The following ACAP3 variants were observed in gnomAD, a reference collection of about 807,000 sequenced individuals.
ACAP3 encodes ArfGAP with coiled-coil, ankyrin repeat and PH domains 3.
Under a neutral mutation model 104.1 loss-of-function variants are expected in ACAP3, and 56 were observed. The ratio of observed to expected loss-of-function variants is 0.54; its 90% CI spans 0.43 to 0.67. The LOEUF (loss-of-function observed/expected upper bound fraction) is 0.67, where lower values mean the gene tolerates loss of function less well. Among genes scored for constraint, ACAP3 ranks in the 30% least tolerant of loss-of-function variants. The pLI is 0.00. For synonymous variants in ACAP3, 628 were observed against 496.2 expected (o/e 1.27, Z -3.53); for missense variants, 1,208 against 1,174.9 (o/e 1.03, Z -0.41).
rs1380191702 is a variant in ACAP3 at position 1,299,902 on chromosome 1, C to T, written c.667G>A (p.Asp223Asn). 7 of 1,584,036 alleles carry T rather than the reference C, an allele frequency of 4.4e-6. No homozygotes were observed. Among genetic ancestry groups the T allele is most frequent in the East Asian group, 2.3e-5 (1 of 43,942 alleles). Residue 223 changes from aspartate (D) to asparagine (N), a missense_variant, in exon 9 of 24, where the codon GAC becomes AAC. Physicochemically the swap from Asp to Asn is conservative, Grantham distance 23. Coordinates refer to ENST00000354700, the MANE Select transcript of ACAP3 (RefSeq NM_030649.3). Reference protein sequence around the residue: ...PYMKKLAAELDQLVIDSAVEK... With the variant: ...PYMKKLAAELNQLVIDSAVEK... ...ACCGCAGAGTCGATCACCAGCTGGT[C>T]CAGCTGTTGGGGGTGGCATTAGGGA...
intron 5 of ACAP3, among the ~76,000 whole-genome samples, chr1:1,301,030 G>A (rs534985576): frequency 6.6e-6 from 1 of 151,962 alleles, no homozygotes; most frequent in South Asian, 2.1e-4. Flanking sequence ...GTCTCCCAAC[G>A]TGCTGGGATT....
At chr1:1,307,027 C>G (rs1641749751) in intron 1 of ACAP3, 1 of 546,118 alleles carries the variant, frequency 1.8e-6, no homozygotes, top group Non-Finnish European at 3.2e-6. Flanking sequence ...AGAGCGCACC[C>G]CGCACGAGCT....
In ACAP3 at chr1:1,293,716, G is replaced by A. The variant is rs1194330768; in HGVS notation, c.2361-8C>T. 5 of 1,007,792 alleles carry A rather than the reference G, an allele frequency of 5.0e-6. No homozygotes were observed. Among genetic ancestry groups the A allele is most frequent in the South Asian group, 6.0e-5 (2 of 33,400 alleles). 62.4% of individuals were successfully genotyped at this position (1,007,792 alleles called of 1,614,324 possible). On this transcript the variant is annotated splice_region_variant and splice_polypyrimidine_tract_variant and intron_variant, in intron 23 of 23. Coordinates refer to ENST00000354700, the MANE Select transcript of ACAP3 (RefSeq NM_030649.3). ...ATGCGCGCCAGACGGAGCCTACGGG[G>A]AGGCACAGCGTGAGACGCCCCTGCC...
In ACAP3 at chr1:1,303,387, C is replaced by G. The variant is rs1244121026; in HGVS notation, c.106-106G>C. On this transcript the variant is annotated intron_variant, in intron 2 of 23. Transcript: ENST00000354700. The surrounding 1 kb of genome is among the most constrained non-coding windows in gnomAD (Gnocchi z 4.0). ...AAGAGCTCCCAGGGTAGGTTCCACT[C>G]AGGGCGTTGGCACTCAGGACTCAGT... The G allele has an allele frequency of 7.0e-7, 1 of 1,422,608 alleles. No homozygotes were observed. Among genetic ancestry groups the G allele is most frequent in the Non-Finnish European group, 9.3e-7 (1 of 1,072,768 alleles). The allele number at this position is 1,422,608 out of a possible 1,614,324, so 88.1% of individuals were successfully genotyped here. A position where few individuals can be genotyped will look rare whatever the true frequency, so the allele number is the denominator to read the frequency against.
intron 23 of ACAP3, 36 bp downstream of exon 23, chr1:1,293,787 G>C (rs1457690198): frequency 6.6e-7 from 1 of 1,522,150 alleles, no homozygotes; most frequent in Non-Finnish European, 8.7e-7. Context: ...CTGCCCTGGA[G>C]GCCCCGCCCA....
chr1:1,299,291 G>GCCCCATCTGGTCTC (rs910269686), intron 10 of ACAP3, 54 bp downstream of exon 10: 101 of 1,577,756 alleles, frequency 6.4e-5, no homozygotes, highest in Admixed American at 1.1e-4. Flanking sequence ...GAAAGGCACC[G>GCCCCATCTGGTCTC]CCCCATCTGG....
Position 1,294,839 on chromosome 1 carries a change from G to A in ACAP3, c.1814-23C>T, listed in dbSNP as rs1254687894. ...GACCTGCAGGTCCGCAGGGAAGGGG[G>A]TCCTGAGGGTGGGAGGCCCAGACTC... is the stretch of plus-strand genomic sequence containing the variant. On this transcript the variant is annotated intron_variant, in intron 19 of 23. Transcript: ENST00000354700. 6 of 1,548,002 alleles carry A rather than the reference G, an allele frequency of 3.9e-6. No homozygotes were observed. The Admixed American group carries it at 5.9e-5, about 15-fold the overall frequency.
At chr1:1,297,037 C>T (rs996585533) in intron 14 of ACAP3, among the ~76,000 whole-genome samples, 8 of 151,804 alleles carry the variant, frequency 5.3e-5, no homozygotes, top group East Asian at 3.9e-4. Context: ...CAGCACACAC[C>T]CAGCTTGCAG....
Position 1,303,157 on chromosome 1 carries a change from C to G in ACAP3, c.225+5G>C. 1 of 1,592,574 alleles carries G rather than the reference C, an allele frequency of 6.3e-7. No individual in the cohort carries two copies. ...CTTGAGGTCAGAGGTCAGTCGGCCC[C>G]TCACCGAGATGACGGTGTCGCCCTG... On this transcript the variant is annotated splice_donor_5th_base_variant and intron_variant, in intron 3 of 23. Coordinates refer to ENST00000354700, the MANE Select transcript of ACAP3 (RefSeq NM_030649.3). This position sits in a 1 kb window ranked among gnomAD's most constrained non-coding sequence, Gnocchi z 4.0.
In ACAP3 at chr1:1,303,442, C is replaced by T. The variant is rs754652679; in HGVS notation, c.106-161G>A. The T allele has an allele frequency of 1.2e-5, 6 of 515,204 alleles. No individual in the cohort carries two copies. The highest frequency in any genetic ancestry group is 1.8e-5 in the Non-Finnish European group (6 of 329,954). The allele number at this position is 515,204 out of a possible 1,614,324, so 31.9% of individuals were successfully genotyped here. ...CGGTGCAGCTTCCTCACGCCTGGGC[C>T]TGCCTGGGGCTTGGAGGCCCGTCTG... On this transcript the variant is annotated intron_variant, in intron 2 of 23. Transcript: ENST00000354700. The surrounding 1 kb of genome is among the most constrained non-coding windows in gnomAD (Gnocchi z 4.0).
At chr1:1,307,633 T>A in intron 1 of ACAP3, 136 bp downstream of exon 1, 6 of 950,378 alleles carry the variant, frequency 6.3e-6, no homozygotes, top group Non-Finnish European at 7.8e-6. Context: ...CGCCGCTTTG[T>A]CCGAGGCCGG....
chr1:1,302,704 CT>C (rs1557608342), intron 4 of ACAP3, among the ~76,000 whole-genome samples: 1 of 151,888 alleles, frequency 6.6e-6, no homozygotes, highest in Non-Finnish European at 1.5e-5. Context: ...TAAACCACCC[CT>C]CCCCCAGGGT....
At chr1:1,298,730 C>T (rs1641312050) in intron 10 of ACAP3, 51 bp from the exon 11 acceptor site, 4 of 1,424,718 alleles carry the variant, frequency 2.8e-6, no homozygotes, top group Middle Eastern at 1.7e-4. Flanking sequence ...GGCCCTGCTA[C>T]CCTCCGTGCT....
In ACAP3 at chr1:1,307,732, C is replaced by A. The variant is rs1197060047; in HGVS notation, c.47+37G>T. On this transcript the variant is annotated intron_variant, in intron 1 of 23. Coordinates refer to ENST00000354700, the MANE Select transcript of ACAP3 (RefSeq NM_030649.3). ...GGCACAAAGGCGACAGCGACGCCCC[C>A]GGCCTGCGCCCACCCCGGCGGCCCC... 105 of 1,088,424 alleles carry A rather than the reference C, an allele frequency of 9.6e-5. No individual in the cohort carries two copies. In the East Asian group the frequency reaches 4.5e-3, roughly 46 times the overall value. 67.4% of individuals were successfully genotyped at this position (1,088,424 alleles called of 1,614,324 possible). A position where few individuals can be genotyped will look rare whatever the true frequency, so the allele number is the denominator to read the frequency against.
chr1:1,307,265 C>T, intron 1 of ACAP3: 1 of 1,288,438 alleles, frequency 7.8e-7, no homozygotes, highest in Admixed American at 2.3e-5. Context: ...ACCTTCCCCG[C>T]CGCTCTTCTC....
rs1391714101 is a variant in ACAP3 at position 1,293,428 on chromosome 1, C to T, written c.*136G>A. 1 of 916,838 alleles carries T rather than the reference C, an allele frequency of 1.1e-6. No individual in the cohort carries two copies. 56.8% of individuals were successfully genotyped at this position (916,838 alleles called of 1,614,324 possible). On this transcript the variant is annotated 3_prime_UTR_variant, in exon 24 of 24. Transcript: ENST00000354700. ...CTCTCCTCCTGGGCGAGCAGGGCCGCGGCGCCCCAGCACTGGGGCTGCCAG... is the reference window on the plus strand; with the variant it reads ...CTCTCCTCCTGGGCGAGCAGGGCCGTGGCGCCCCAGCACTGGGGCTGCCAG...
chr1:1,300,647 C>T lies in ACAP3; in HGVS notation c.384G>A (p.Val128=). 6.2e-7 allele frequency: 1 copy of T among 1,609,846 alleles called. No individual in the cohort carries two copies. Among genetic ancestry groups the T allele is most frequent in the Non-Finnish European group, 8.5e-7 (1 of 1,179,140 alleles). ...CCAGGGACAGCTCCAGGTCCTCCCG[C>T]ACCTTGTCAAACTGCTTCTTTGTCT... ...FKETKKQFDK[V]REDLELSLVR... is the part of the protein sequence containing the mutation. Residue 128 remains valine, a synonymous_variant, in exon 6 of 24, where the codon GTG becomes GTA. Transcript: ENST00000354700.
Position 1,303,745 on chromosome 1 carries a change from T to G in ACAP3, c.105+341A>C. The G allele has an allele frequency of 2.4e-6, 1 of 422,846 alleles. No individual in the cohort carries two copies. The allele number at this position is 422,846 out of a possible 1,614,324, so 26.2% of individuals were successfully genotyped here. ...TCCACGGCCTGTTGCCCCCTCCCCT[T>G]TCTCAGCCCCAGCCCCAGCCACACC... On this transcript the variant is annotated intron_variant, in intron 2 of 23. Coordinates refer to ENST00000354700, the MANE Select transcript of ACAP3 (RefSeq NM_030649.3). The surrounding 1 kb of genome is among the most constrained non-coding windows in gnomAD (Gnocchi z 4.0).
intron 10 of ACAP3, 81 bp downstream of exon 10, chr1:1,299,264 C>T (rs1641339082): frequency 6.5e-7 from 1 of 1,531,168 alleles, no homozygotes; most frequent in Admixed American, 1.9e-5. Context: ...GCTGAAGTGC[C>T]CTTGGGGTAG....
Sources: allele counts gnomAD v4.1 joint callset (sites outside exome capture counted in the v4.1 genomes callset), GRCh38; gene constraint gnomAD v4.1.1; non-coding constraint Gnocchi (gnomAD v3.1); transcripts MANE v1.5; gene names NCBI Gene and HGNC (gene_info 2026-07-23, HGNC 2026-07-21).